The following ZFP82 variants were observed in gnomAD, a reference collection of about 807,000 sequenced individuals.
ZFP82 encodes the protein ZFP82 zinc finger protein.
Under a neutral mutation model 54.0 loss-of-function variants are expected in ZFP82, and 30 were observed. The observed-to-expected ratio is 0.56, with a 90% confidence interval of 0.42 to 0.75. The LOEUF (loss-of-function observed/expected upper bound fraction) is 0.75, where lower values mean the gene tolerates loss of function less well. Ranked by LOEUF, ZFP82 falls within the 30% of genes least tolerant of loss-of-function variation. The pLI is 0.00. For missense variants in ZFP82, 500 were observed against 636.8 expected (o/e 0.79, Z 2.31); for synonymous variants, 194 against 209.5 (o/e 0.93, Z 0.64).
rs1430576886 is a variant in ZFP82, at chr19:36,393,615, C to G, written c.725G>C (p.Arg242Thr). ...GEAFICGADL[R>T]VHQKMHIGEK... is the part of the protein sequence containing the mutation. ...ACCAATATGCATTTTCTGATGTACT[C>G]TAAGATCTGCACCACATATGAAAGC... Residue 242 changes from arginine (R) to threonine (T), a missense_variant, in exon 5 of 5, where the codon AGA becomes ACA. By Grantham distance (71) the Arg-to-Thr change is moderately conservative (BLOSUM62 -1). Coordinates refer to ENST00000392161, the MANE Select transcript of ZFP82 (RefSeq NM_133466.4). 1 of 1,613,834 alleles carries G rather than the reference C, an allele frequency of 6.2e-7. No homozygotes were observed. Among genetic ancestry groups the G allele is most frequent in the South Asian group, 1.1e-5 (1 of 91,054 alleles).
intron 4 of ZFP82, among the ~76,000 whole-genome samples, chr19:36,404,393 C>T (rs2032445508): frequency 6.6e-6 from 1 of 152,170 alleles, no homozygotes; most frequent in Non-Finnish European, 1.5e-5. Flanking sequence ...TTCATCAGAA[C>T]ACTCCCCCAC....
At chr19:36,383,935 T>C (rs928555814), downstream of ZFP82, 1 of 152,190 alleles carries the variant, frequency 6.6e-6, no homozygotes. Context: ...TGTGAAAATA[T>C]GCCCAATTCA....
chr19:36,386,265 G>C (rs2032114049), downstream of ZFP82, among the ~76,000 whole-genome samples: 1 of 152,256 alleles, frequency 6.6e-6, no homozygotes, highest in Admixed American at 6.5e-5. Context: ...CTGCCACTGG[G>C]CATAAGCTGT....
intron 1 of ZFP82, among the ~76,000 whole-genome samples, chr19:36,414,130 G>T (rs2032627529): frequency 6.6e-6 from 1 of 151,966 alleles, no homozygotes. Context: ...TCGATCTCCT[G>T]ACCTCGTGAT....
At chr19:36,396,577 A>T (rs1364453734) in intron 4 of ZFP82, among the ~76,000 whole-genome samples, 1 of 152,076 alleles carries the variant, frequency 6.6e-6, no homozygotes, top group African/African-American at 2.4e-5. Context: ...AATGGCGTGA[A>T]CCTGGGAGGC....
intron 1 of ZFP82, among the ~76,000 whole-genome samples, chr19:36,414,825 C>CTTTTT (rs11445531): frequency 7.0e-6 from 1 of 142,410 alleles, no homozygotes; most frequent in African/African-American, 2.6e-5. Context: ...ATATTAAATA[C>CTTTTT]TTTTTTTTTT....
At chr19:36,399,465 C>T (rs1037429793) in intron 4 of ZFP82, among the ~76,000 whole-genome samples, 3 of 152,290 alleles carry the variant, frequency 2.0e-5, no homozygotes, top group Non-Finnish European at 4.4e-5. Flanking sequence ...TACTGTTTAC[C>T]TCCAGAGGAG....
chr19:36,406,912 A>C (rs1189691597), intron 3 of ZFP82, among the ~76,000 whole-genome samples: 1 of 152,196 alleles, frequency 6.6e-6, no homozygotes, highest in Non-Finnish European at 1.5e-5. Flanking sequence ...TAGCATATCC[A>C]TCACCTCAAA....
downstream of ZFP82, among the ~76,000 whole-genome samples, chr19:36,387,615 G>A (rs2967514): frequency 0.045 from 6,832 of 152,082 alleles, 524 homozygotes; most frequent in African/African-American, 0.16. Context: ...CCCAGTCTGT[G>A]GTATTCTTTC....
chr19:36,392,660 C>T lies in ZFP82; in HGVS notation c.*81G>A, dbSNP rs1047255903. ...AATGGTATAAAACCTCTAATGCCAA[C>T]GCAGTTGCATGTATGGAGCAAAATA... On this transcript the variant is annotated 3_prime_UTR_variant, in exon 5 of 5. Coordinates refer to ENST00000392161, the MANE Select transcript of ZFP82 (RefSeq NM_133466.4). 4.3e-5 allele frequency: 54 copies of T among 1,245,952 alleles called. No homozygotes were observed. The highest frequency in any genetic ancestry group is 5.1e-5 in the Non-Finnish European group (47 of 926,112). The allele number at this position is 1,245,952 out of a possible 1,614,324, so 77.2% of individuals were successfully genotyped here.
At chr19:36,398,550 A>G (rs1312121695) in intron 4 of ZFP82, among the ~76,000 whole-genome samples, 1 of 152,106 alleles carries the variant, frequency 6.6e-6, no homozygotes, top group Non-Finnish European at 1.5e-5. Flanking sequence ...AAAAAAAAAA[A>G]AATGTTTCAA....
downstream of ZFP82, among the ~76,000 whole-genome samples, chr19:36,386,899 C>T (rs2032122223): frequency 1.3e-5 from 2 of 152,224 alleles, no homozygotes; most frequent in African/African-American, 4.8e-5. Context: ...CACGCCATTG[C>T]ACTCCAGCCT....
chr19:36,406,861 T>C (rs564966183), intron 3 of ZFP82, among the ~76,000 whole-genome samples: 264 of 152,278 alleles, frequency 1.7e-3, no homozygotes, highest in Non-Finnish European at 2.9e-3. Context: ...CAATGTGATG[T>C]TTTGATACAT....
chr19:36,413,643 C>T (rs1433709376), intron 1 of ZFP82, among the ~76,000 whole-genome samples: 2 of 152,106 alleles, frequency 1.3e-5, no homozygotes, highest in African/African-American at 2.4e-5. Context: ...ATTAAAAATA[C>T]AGGCTTTGTT....
intron 1 of ZFP82, among the ~76,000 whole-genome samples, chr19:36,410,704 T>C (rs904620077): frequency 2.0e-5 from 3 of 151,688 alleles, no homozygotes; most frequent in African/African-American, 4.8e-5. Flanking sequence ...GGTTTCACCA[T>C]ATTCACCAGG....
chr19:36,392,917 C>T lies in ZFP82; in HGVS notation c.1423G>A (p.Glu475Lys), dbSNP rs1021451717. The T allele has an allele frequency of 3.1e-6, 5 of 1,613,216 alleles. No homozygotes were observed. The highest frequency in any genetic ancestry group is 4.2e-6 in the Non-Finnish European group (5 of 1,179,760). ...LTLHQSIHTG[E>K]KPFECKECRK... ...CATTCCTTACACTCAAAGGGTTTTT[C>T]GCCAGTATGAATGCTCTGATGTAGA... The change falls in exon 5 of 5, where the codon GAA becomes AAA. Residue 475 changes from glutamate (E) to lysine (K), a missense_variant. By Grantham distance (56) the Glu-to-Lys change is moderately conservative. Coordinates refer to ENST00000392161, the MANE Select transcript of ZFP82 (RefSeq NM_133466.4).
At chr19:36,416,756 C>CAAAAAAAAAAAAAAAAAAAAAAAA (rs1165706150) in intron 1 of ZFP82, among the ~76,000 whole-genome samples, 1 of 68,876 alleles carries the variant, frequency 1.5e-5, no homozygotes, top group African/African-American at 6.3e-5. Context: ...AACTCCGTCT[C>CAAAAAAAAAAAAAAAAAAAAAAAA]AAAAAAAAAA....
Position 36,391,124 on chromosome 19 carries a change from T to C in ZFP82, c.*1617A>G, listed in dbSNP as rs2032192324. ...TAATCAACAACTTTCCTTCACCAAC[T>C]TTTGGTTGTCTTGAAATATAGTTTG... is the stretch of plus-strand genomic sequence containing the variant. On this transcript the variant is annotated 3_prime_UTR_variant, in exon 5 of 5. Transcript: ENST00000392161. 2 of 152,150 alleles carry C rather than the reference T, an allele frequency of 1.3e-5. No homozygotes were observed. Among genetic ancestry groups the C allele is most frequent in the Admixed American group, 6.6e-5 (1 of 15,266 alleles). 9.4% of individuals were successfully genotyped at this position (152,150 alleles called of 1,614,324 possible).
intron 3 of ZFP82, 152 bp from the exon 4 acceptor site, chr19:36,405,824 T>C (rs1049757588): frequency 3.9e-6 from 2 of 517,264 alleles, no homozygotes; most frequent in Non-Finnish European, 6.7e-6. Flanking sequence ...TACGTTAAGG[T>C]TACACAATAA....
Sources: allele counts gnomAD v4.1 joint callset (sites outside exome capture counted in the v4.1 genomes callset), GRCh38; gene constraint gnomAD v4.1.1; transcripts MANE v1.5; gene names NCBI Gene and HGNC (gene_info 2026-07-23, HGNC 2026-07-21).